The following CNBD1 variants were observed in gnomAD, a reference collection of about 807,000 sequenced individuals.
The protein encoded by CNBD1 is cyclic nucleotide binding domain containing 1.
In CNBD1, 71 loss-of-function variants were observed where a neutral mutation model predicts 54.4. That is an observed-to-expected ratio of 1.30 (90% CI 1.08 to 1.59). The LOEUF (loss-of-function observed/expected upper bound fraction) is 1.59. CNBD1 is among the 40% of genes most tolerant of loss of function. CNBD1 has a pLI of 0.00. For synonymous variants in CNBD1, 182 were observed against 170.7 expected, an observed-to-expected ratio of 1.07 and a Z score of -0.51; for missense variants, 659 against 518.0, an observed-to-expected ratio of 1.27 and a Z score of -2.64.
rs77212790 is a variant in CNBD1, at chr8:87,049,692, G to A, written c.431+109938G>A. Among the ~76,000 whole-genome samples the A allele has an allele frequency of 9.0e-3, 1,372 of 152,258 alleles. 17 individuals are homozygous for A. Among genetic ancestry groups the A allele is most frequent in the African/African-American group, 0.031 (1,267 of 41,534 alleles). ...GGTTTCCTCTGAGAGGAAAGTGCAG[G>A]GTTTAGGCAAGGGCACATTTTTAAC... On this transcript the variant is annotated intron_variant, in intron 4 of 10. Coordinates refer to ENST00000518476, the MANE Select transcript of CNBD1 (RefSeq NM_173538.3).
intron 10 of CNBD1, among the ~76,000 whole-genome samples, chr8:87,361,796 T>A (rs184055503): frequency 2.7e-5 from 4 of 150,882 alleles, no homozygotes; most frequent in Admixed American, 1.3e-4. Flanking sequence ...AAGAAATAGA[T>A]GGGGGGGTAG....
At position 87,245,513 on chromosome 8, in the gene CNBD1, T is replaced by G. The variant is rs568025376; in HGVS notation, c.771+8401T>G. On this transcript the variant is annotated intron_variant, in intron 6 of 10. Coordinates refer to ENST00000518476, the MANE Select transcript of CNBD1 (RefSeq NM_173538.3). ...TATAACTGTTTCTTATTTTACTACA[T>G]TTATGAAGACATCAAAATATAATCA... Among the ~76,000 whole-genome samples, 14 of 152,144 alleles carry G rather than the reference T, an allele frequency of 9.2e-5. No homozygotes were observed. The South Asian group carries it at 2.9e-3, about 32-fold the overall frequency.
chr8:87,115,872 C>A (rs1291928346), intron 4 of CNBD1, among the ~76,000 whole-genome samples: 2 of 152,180 alleles, frequency 1.3e-5, no homozygotes, highest in African/African-American at 4.8e-5. Context: ...GATCCGTTTA[C>A]CTTCTCACTG....
At chr8:87,307,395 G>A (rs1311452898) in intron 8 of CNBD1, among the ~76,000 whole-genome samples, 2 of 152,146 alleles carry the variant, frequency 1.3e-5, no homozygotes, top group Non-Finnish European at 2.9e-5. Context: ...TGGCAGATTT[G>A]TAAAATGGAA....
chr8:87,367,132 C>A (rs146940123), intron 10 of CNBD1, among the ~76,000 whole-genome samples: 158 of 152,068 alleles, frequency 1.0e-3, no homozygotes, highest in African/African-American at 3.7e-3. Flanking sequence ...TATATGTGGC[C>A]TACATAGGAA....
intron 3 of CNBD1, among the ~76,000 whole-genome samples, chr8:86,936,288 A>G (rs914393592): frequency 1.3e-5 from 2 of 152,246 alleles, no homozygotes; most frequent in Non-Finnish European, 2.9e-5. Flanking sequence ...AAATTTTTCT[A>G]TGCAACCACA....
intron 8 of CNBD1, among the ~76,000 whole-genome samples, chr8:87,333,317 C>A (rs951379749): frequency 6.6e-6 from 1 of 152,110 alleles, no homozygotes; most frequent in Non-Finnish European, 1.5e-5. Flanking sequence ...ATGTTGTCTG[C>A]AAACAGAGAC....
chr8:87,393,981 A>G (rs183596727), intron 2 of CNBD1, among the ~76,000 whole-genome samples: 1,671 of 152,008 alleles, frequency 0.011, 18 homozygotes, highest in Middle Eastern at 0.037. Flanking sequence ...CACTTACTTG[A>G]GTAAATGACC....
intron 4 of CNBD1, among the ~76,000 whole-genome samples, chr8:87,164,042 TATTGA>T (rs1563492173): frequency 6.6e-6 from 1 of 151,988 alleles, no homozygotes; most frequent in Non-Finnish European, 1.5e-5. Flanking sequence ...TTTCAGCATT[TATTGA>T]ATTGATCATA....
At chr8:87,227,769 T>C (rs1373137421) in intron 5 of CNBD1, among the ~76,000 whole-genome samples, 3 of 150,038 alleles carry the variant, frequency 2.0e-5, no homozygotes, top group Non-Finnish European at 4.4e-5. Context: ...CTGTATTTCC[T>C]GAATCTGAAC....
At chr8:87,417,865 T>C (rs1430475696) in intron 2 of CNBD1, among the ~76,000 whole-genome samples, 1 of 151,038 alleles carries the variant, frequency 6.6e-6, no homozygotes, top group Non-Finnish European at 1.5e-5. Context: ...ATGTTTAACT[T>C]GGATATGGAA....
At chr8:87,154,400 C>A (rs567783274) in intron 4 of CNBD1, among the ~76,000 whole-genome samples, 1 of 152,100 alleles carries the variant, frequency 6.6e-6, no homozygotes, top group Non-Finnish European at 1.5e-5. Flanking sequence ...GAGGGAAGAA[C>A]AGTTGAGGCA....
chr8:87,389,470 G>A (rs912587413), intron 2 of CNBD1, among the ~76,000 whole-genome samples: 35 of 152,214 alleles, frequency 2.3e-4, no homozygotes, highest in African/African-American at 7.7e-4. Flanking sequence ...GACAAACAGA[G>A]AGCCAAATCA....
chr8:87,229,937 G>C lies in CNBD1; in HGVS notation c.578-6982G>C, dbSNP rs749366137. 3.4e-4 allele frequency among the ~76,000 whole-genome samples: 51 copies of C among 147,916 alleles called. 1 individual carries two copies. Among genetic ancestry groups the C allele is most frequent in the Non-Finnish European group, 6.6e-4 (43 of 65,424 alleles). On this transcript the variant is annotated intron_variant, in intron 5 of 10. Coordinates refer to ENST00000518476, the MANE Select transcript of CNBD1 (RefSeq NM_173538.3). ...AGTCCGTTTTCACGCTGCTGTAAAG[G>C]AATACCTGAGACTGGGTAATTTATA...
Position 87,390,942 on chromosome 8 carries a change from G to A in CNBD1, c.213+37156G>A, listed in dbSNP as rs995325911. On this transcript the variant is annotated intron_variant, in intron 2 of 7. Transcript: ENST00000521593. ...AACGATGAGTTCATATCCTTTGTAG[G>A]GAGATGGATGAAGCTGGAAACCATC... is the stretch of plus-strand genomic sequence containing the variant. 4.5e-4 allele frequency among the ~76,000 whole-genome samples: 68 copies of A among 152,198 alleles called. No homozygotes were observed. In the Middle Eastern group the frequency reaches 0.01, roughly 23 times the overall value.
At chr8:87,202,304 A>T (rs564090606) in intron 4 of CNBD1, among the ~76,000 whole-genome samples, 1 of 152,358 alleles carries the variant, frequency 6.6e-6, no homozygotes, top group Non-Finnish European at 1.5e-5. Context: ...GACCAAATTG[A>T]TAGAAAACAT....
intron 4 of CNBD1, among the ~76,000 whole-genome samples, chr8:87,137,482 G>T (rs1017802195): frequency 6.6e-6 from 1 of 151,866 alleles, no homozygotes; most frequent in Non-Finnish European, 1.5e-5. Context: ...GATTACAGGC[G>T]TGAGCCACCG....
At chr8:87,110,621 T>A (rs1811643025) in intron 4 of CNBD1, among the ~76,000 whole-genome samples, 1 of 152,176 alleles carries the variant, frequency 6.6e-6, no homozygotes, top group African/African-American at 2.4e-5. Flanking sequence ...CTCCGGAGCA[T>A]GTTGCTGACC....
chr8:86,943,216 A>G (rs757994268), intron 4 of CNBD1, among the ~76,000 whole-genome samples: 7 of 152,026 alleles, frequency 4.6e-5, no homozygotes, highest in Non-Finnish European at 1.0e-4. Context: ...CTCCATCTCT[A>G]TTAAAAATAC....
Sources: allele counts gnomAD v4.1 joint callset (sites outside exome capture counted in the v4.1 genomes callset), GRCh38; gene constraint gnomAD v4.1.1; transcripts MANE v1.5; gene names NCBI Gene and HGNC (gene_info 2026-07-23, HGNC 2026-07-21).